Variants in PCDHA4 observed in about 807,000 individuals in gnomAD.
PCDHA4 encodes the protein protocadherin alpha-4.
PCDHA4 carries 49 observed loss-of-function variants against 61.4 expected under a neutral mutation model. The ratio of observed to expected loss-of-function variants is 0.80; its 90% CI spans 0.63 to 1.01. PCDHA4 has a LOEUF of 1.01. Ranked by LOEUF, PCDHA4 falls within the 50% of genes least tolerant of loss-of-function variation. The pLI is 0.00. For missense variants in PCDHA4, 1,254 were observed against 1,235.8 expected (o/e 1.01, Z -0.22); for synonymous variants, 590 against 550.3 (o/e 1.07, Z -1.01).
At chr5:140,848,906 A>G (rs2150424072) in intron 1 of PCDHA4, 1 of 1,608,234 alleles carries the variant, frequency 6.2e-7, no homozygotes, top group African/African-American at 1.4e-5. Flanking sequence ...CAGCGACACA[A>G]AAGAATCTGT....
intron 3 of PCDHA4, among the ~76,000 whole-genome samples, chr5:141,008,432 C>T (rs2098376587): frequency 6.6e-6 from 1 of 152,082 alleles, no homozygotes. Context: ...ATCACTTTGC[C>T]CAGACAGACC....
In PCDHA4 at chr5:140,877,367, G is replaced by C. The variant is rs201967192; in HGVS notation, c.2385+67795G>C. On this transcript the variant is annotated intron_variant, in intron 1 of 3. Transcript: ENST00000530339. ...GTGGGGCTGTACACTGGCGAGATCA[G>C]CACGACACGCATCCTGGATGAGGCG... is the stretch of plus-strand genomic sequence containing the variant. 1.0e-4 allele frequency: 167 copies of C among 1,614,018 alleles called. No homozygotes were observed. The highest frequency in any genetic ancestry group is 4.9e-4 in the Middle Eastern group (3 of 6,062).
chr5:140,994,558 A>G (rs1414971844), intron 3 of PCDHA4, among the ~76,000 whole-genome samples: 4 of 151,948 alleles, frequency 2.6e-5, no homozygotes, highest in Non-Finnish European at 5.9e-5. Context: ...TATAAAAATT[A>G]GCCGGGTGTG....
At chr5:140,982,230 C>G (rs943404054) in intron 2 of PCDHA4, 9 of 619,854 alleles carry the variant, frequency 1.5e-5, no homozygotes, top group Admixed American at 3.8e-5. Flanking sequence ...TAATAAAAAA[C>G]AGAATTGCCA....
In PCDHA4 at chr5:141,010,147, C is replaced by T. The variant is rs895381983; in HGVS notation, c.*210C>T. ...AAGTCTGGTGTTAACTCTTTCTCTC[C>T]ACTCTGGCTTGTTTTCAGAACCTAA... On this transcript the variant is annotated 3_prime_UTR_variant, in exon 4 of 4. Coordinates refer to ENST00000530339, the MANE Select transcript of PCDHA4 (RefSeq NM_018907.4). 3.2e-6 allele frequency: 5 copies of T among 1,583,190 alleles called. No homozygotes were observed. The highest frequency in any genetic ancestry group is 4.3e-6 in the Non-Finnish European group (5 of 1,163,606).
chr5:140,876,144 G>C (rs782301739), intron 1 of PCDHA4: 1 of 1,613,964 alleles, frequency 6.2e-7, no homozygotes, highest in South Asian at 1.1e-5. Context: ...AACTAACAGG[G>C]TCTGTCCAGA....
At chr5:140,927,524 C>T in intron 1 of PCDHA4, 3 of 1,614,104 alleles carry the variant, frequency 1.9e-6, no homozygotes, top group Non-Finnish European at 2.5e-6. Flanking sequence ...GGCGGGCTAC[C>T]TGCCCGCTCA....
chr5:140,871,290 C>T, intron 1 of PCDHA4: 8 of 1,613,900 alleles, frequency 5.0e-6, no homozygotes, highest in African/African-American at 1.3e-5. Context: ...CCACTGAGGG[C>T]GCGTGCGCGC....
At chr5:140,972,612 C>T (rs1554234244) in intron 1 of PCDHA4, among the ~76,000 whole-genome samples, 2 of 151,080 alleles carry the variant, frequency 1.3e-5, no homozygotes, top group African/African-American at 4.9e-5. Context: ...GAACTTGATA[C>T]TGAATGTTGT....
chr5:140,973,674 T>A (rs782774613), intron 1 of PCDHA4, among the ~76,000 whole-genome samples: 10 of 152,264 alleles, frequency 6.6e-5, no homozygotes, highest in Non-Finnish European at 1.3e-4. Flanking sequence ...GTAGCTTGAA[T>A]GTCATTGGCC....
At chr5:140,967,956 A>G in intron 1 of PCDHA4, 2 of 1,614,172 alleles carry the variant, frequency 1.2e-6, no homozygotes, top group Middle Eastern at 3.3e-4. Context: ...TCAGGCCCCA[A>G]CCGGAAAGTG....
intron 1 of PCDHA4, chr5:140,835,083 GACA>G: frequency 1.1e-5 from 14 of 1,222,014 alleles, no homozygotes; most frequent in Non-Finnish European, 1.6e-5. Context: ...CACGGTACTG[GACA>G]ACAATGACAA....
At chr5:140,919,674 G>C (rs1554199207) in intron 1 of PCDHA4, among the ~76,000 whole-genome samples, 1 of 151,886 alleles carries the variant, frequency 6.6e-6, no homozygotes, top group Non-Finnish European at 1.5e-5. Context: ...TTAGCTTATT[G>C]GTATCTGCTT....
intron 1 of PCDHA4, chr5:140,823,379 G>A: frequency 6.2e-7 from 1 of 1,612,650 alleles, no homozygotes; most frequent in South Asian, 1.1e-5. Flanking sequence ...TTCCAGGTGA[G>A]CGCGCGCGAC....
chr5:140,997,100 T>G (rs1286807919), intron 3 of PCDHA4, among the ~76,000 whole-genome samples: 1 of 152,170 alleles, frequency 6.6e-6, no homozygotes, highest in Non-Finnish European at 1.5e-5. Flanking sequence ...AGAGTTCTCA[T>G]GCACTCCTGC....
At chr5:140,870,554 A>C (rs1554164402) in intron 1 of PCDHA4, 1 of 1,614,044 alleles carries the variant, frequency 6.2e-7, no homozygotes, top group African/African-American at 1.3e-5. Context: ...GCGGACGCGC[A>C]GGAGAACGCG....
At chr5:141,005,130 T>C (rs2153983471) in intron 3 of PCDHA4, among the ~76,000 whole-genome samples, 1 of 152,358 alleles carries the variant, frequency 6.6e-6, no homozygotes, top group South Asian at 2.1e-4. Flanking sequence ...CAAAAGTGCC[T>C]CATTGGAGAG....
chr5:140,849,276 G>A, intron 1 of PCDHA4: 1 of 1,173,354 alleles, frequency 8.5e-7, no homozygotes, highest in Admixed American at 2.6e-5. Flanking sequence ...CGGAACGCTG[G>A]TGATTCACCC....
chr5:140,892,516 C>T (rs1308217040), intron 1 of PCDHA4, among the ~76,000 whole-genome samples: 1 of 152,222 alleles, frequency 6.6e-6, no homozygotes, highest in East Asian at 1.9e-4. Context: ...TCCACCATGA[C>T]TGGTAGACTC....
Sources: allele counts gnomAD v4.1 joint callset (sites outside exome capture counted in the v4.1 genomes callset), GRCh38; gene constraint gnomAD v4.1.1; transcripts MANE v1.5; gene names NCBI Gene and HGNC (gene_info 2026-07-23, HGNC 2026-07-21).